Variants in PPP1R10 observed in about 807,000 individuals in gnomAD.
PPP1R10 encodes the protein protein phosphatase 1 regulatory subunit 10.
PPP1R10 carries 15 observed loss-of-function variants against 99.0 expected under a neutral mutation model. The ratio of observed to expected loss-of-function variants is 0.15; its 90% CI spans 0.10 to 0.23. The LOEUF (loss-of-function observed/expected upper bound fraction) is 0.23. Ranked by LOEUF, PPP1R10 falls within the 10% of genes least tolerant of loss-of-function variation. PPP1R10 has a pLI of 1.00. For missense variants in PPP1R10, 947 were observed against 1,259.4 expected (o/e 0.75, Z 3.75); for synonymous variants, 430 against 449.5 (o/e 0.96, Z 0.55).
In PPP1R10 at chr6:30,609,095, G is replaced by A; in HGVS notation, c.176C>T (p.Ser59Leu). 1 of 1,613,982 alleles carries A rather than the reference G, an allele frequency of 6.2e-7. No homozygotes were observed. The highest frequency in any genetic ancestry group is 1.3e-5 in the African/African-American group (1 of 75,026). Residue 59 changes from serine (S) to leucine (L), a missense_variant, in exon 4 of 20, where the codon TCA becomes TTA. Ser to Leu is a moderately radical substitution (Grantham distance 145). Around this residue, in one of 10 missense-constraint regions of PPP1R10, gnomAD observed 82 missense variants for 117.3 expected, o/e 0.70. Transcript: ENST00000376511. The surrounding 1 kb of genome is among the most constrained non-coding windows in gnomAD (Gnocchi z 4.5). ...TYLNILLQTR[S>L]PEILVKFIDV... ...CACTTACTTGACCAATATTTCTGGT[G>A]AACGGGTCTGCAGGAGAATGTTCAA... is the stretch of plus-strand genomic sequence containing the variant.
intron 16 of PPP1R10, 63 bp from the exon 17 acceptor site, chr6:30,603,348 G>T: frequency 6.3e-7 from 1 of 1,579,038 alleles, no homozygotes; most frequent in East Asian, 2.2e-5. Flanking sequence ...GCGAAAGATA[G>T]CGCCAAAGAT....
intron 19 of PPP1R10, 104 bp from the exon 20 acceptor site, chr6:30,601,762 A>G (rs1803339677): frequency 7.4e-7 from 1 of 1,349,790 alleles, no homozygotes; most frequent in African/African-American, 1.4e-5. Context: ...TTCAGAGACA[A>G]TCTTGGGGAT....
intron 5 of PPP1R10, 65 bp downstream of exon 5, chr6:30,608,714 T>G: frequency 3.3e-6 from 5 of 1,535,798 alleles, no homozygotes; most frequent in Non-Finnish European, 4.5e-6. Flanking sequence ...ATCAGTCAGT[T>G]TGAGTTTTTC....
Position 30,609,311 on chromosome 6 carries a change from G to A in PPP1R10, c.108-148C>T, listed in dbSNP as rs756706285. The A allele has an allele frequency of 1.5e-6, 1 of 682,566 alleles. No homozygotes were observed. Among genetic ancestry groups the A allele is most frequent in the Non-Finnish European group, 2.5e-6 (1 of 395,768 alleles). The allele number at this position is 682,566 out of a possible 1,614,324, so 42.3% of individuals were successfully genotyped here. On this transcript the variant is annotated intron_variant, in intron 3 of 19. Transcript: ENST00000376511. This position sits in a 1 kb window ranked among gnomAD's most constrained non-coding sequence, Gnocchi z 4.5. ...GTCACATATACCTCTAGGAAGATGGGATGGATCCAGTGTGACATGGAAACT... is the reference window on the plus strand; with the variant it reads ...GTCACATATACCTCTAGGAAGATGGAATGGATCCAGTGTGACATGGAAACT...
chr6:30,601,600 C>T lies in PPP1R10; in HGVS notation c.2772G>A (p.Glu924=), dbSNP rs374424553. ...HFMMKGNCRY[E]NNCAFYHPGV... Reference sequence around the variant, plus strand: ...CCGGGTGGTAGAAGGCACAGTTGTTCTCATAGCGGCAGTTGCCCTTCATCA... The same window carrying T: ...CCGGGTGGTAGAAGGCACAGTTGTTTTCATAGCGGCAGTTGCCCTTCATCA... The change falls in exon 20 of 20, where the codon GAG becomes GAA. Residue 924 remains glutamate (E), a synonymous_variant. Transcript: ENST00000376511. 10 of 1,613,998 alleles carry T rather than the reference C, an allele frequency of 6.2e-6. No homozygotes were observed. The highest frequency in any genetic ancestry group is 5.3e-5 in the African/African-American group (4 of 74,890).
rs1803200081 is a variant in PPP1R10 at position 30,600,530 on chromosome 6, A to T, written c.*1019T>A. On this transcript the variant is annotated 3_prime_UTR_variant, in exon 20 of 20. Coordinates refer to ENST00000376511, the MANE Select transcript of PPP1R10 (RefSeq NM_002714.4). ...ACCCTGCACAAAACCCAACCAATCCACTGTTTTCATAGAAAACAACTGATG... is the reference window on the plus strand; with the variant it reads ...ACCCTGCACAAAACCCAACCAATCCTCTGTTTTCATAGAAAACAACTGATG... The T allele has an allele frequency of 6.6e-6, 1 of 152,578 alleles. No homozygotes were observed. Among genetic ancestry groups the T allele is most frequent in the African/African-American group, 2.4e-5 (1 of 41,422 alleles). The allele number at this position is 152,578 out of a possible 1,614,324, so 9.5% of individuals were successfully genotyped here.
intron 5 of PPP1R10, among the ~76,000 whole-genome samples, chr6:30,608,512 A>G (rs943887182): frequency 1.3e-5 from 2 of 152,122 alleles, no homozygotes; most frequent in Non-Finnish European, 2.9e-5. Flanking sequence ...CACGTCAGCC[A>G]GGATGGTCTC....
chr6:30,602,943 T>G lies in PPP1R10; in HGVS notation c.1860A>C (p.Leu620=). Residue 620 remains leucine (L), a synonymous_variant, in exon 18 of 20, where the codon CTA becomes CTC. Transcript: ENST00000376511. This position sits in a 1 kb window ranked among gnomAD's most constrained non-coding sequence, Gnocchi z 6.7. ...AACCATTGGCTATTGGGCCAGGGCC[T>G]AGGAGTCCATGTGGCACTGTTAATG... ...IKQMLVPHGL[L]GPGPIANGFP... 6.4e-7 allele frequency: 1 copy of G among 1,550,990 alleles called. No individual in the cohort carries two copies. Among genetic ancestry groups the G allele is most frequent in the Non-Finnish European group, 8.7e-7 (1 of 1,146,608 alleles).
At chr6:30,613,215 G>A (rs1804736623) in intron 2 of PPP1R10, among the ~76,000 whole-genome samples, 2 of 152,122 alleles carry the variant, frequency 1.3e-5, no homozygotes, top group South Asian at 4.1e-4. Flanking sequence ...ATTAAATAGG[G>A]TGAAAAAATA....
chr6:30,604,541 T>C lies in PPP1R10; in HGVS notation c.1103-30A>G. ...AAGCAGAAGAGGTTTCAGACCCAGA[T>C]CCCTCCTTTCAGAAAACCCCCCAAA... On this transcript the variant is annotated intron_variant, in intron 12 of 19. Transcript: ENST00000376511. The surrounding 1 kb of genome is among the most constrained non-coding windows in gnomAD (Gnocchi z 7.3). 1 of 1,612,642 alleles carries C rather than the reference T, an allele frequency of 6.2e-7. No homozygotes were observed. Among genetic ancestry groups the C allele is most frequent in the South Asian group, 1.1e-5 (1 of 91,062 alleles).
Position 30,606,989 on chromosome 6 carries a change from A to C in PPP1R10, c.383-133T>G. The C allele has an allele frequency of 1.3e-6, 1 of 777,876 alleles. No individual in the cohort carries two copies. The highest frequency in any genetic ancestry group is 2.1e-6 in the Non-Finnish European group (1 of 473,766). 48.2% of individuals were successfully genotyped at this position (777,876 alleles called of 1,614,324 possible). On this transcript the variant is annotated intron_variant, in intron 6 of 19. Coordinates refer to ENST00000376511, the MANE Select transcript of PPP1R10 (RefSeq NM_002714.4). This position sits in a 1 kb window ranked among gnomAD's most constrained non-coding sequence, Gnocchi z 6.3. ...AAAGTAACCCAAAGTTTTAAGAAGA[A>C]CATGAGATATGCTTAAAAACCAAAC...
In PPP1R10 at chr6:30,606,341, C is replaced by A; in HGVS notation, c.635-98G>T. On this transcript the variant is annotated intron_variant, in intron 8 of 19. Transcript: ENST00000376511. The surrounding 1 kb of genome is among the most constrained non-coding windows in gnomAD (Gnocchi z 6.3). The stretch of plus-strand genomic sequence containing the variant: ...CGCAAATGTTCTTCTAGCCTTGTAA[C>A]CAAAGCTTCCTCTGCTAGTCTTCCC... 1 of 1,565,300 alleles carries A rather than the reference C, an allele frequency of 6.4e-7. No individual in the cohort carries two copies. Among genetic ancestry groups the A allele is most frequent in the Non-Finnish European group, 8.7e-7 (1 of 1,145,656 alleles).
At chr6:30,613,384 CT>C (rs1804749853) in intron 2 of PPP1R10, among the ~76,000 whole-genome samples, 1 of 152,192 alleles carries the variant, frequency 6.6e-6, no homozygotes, top group African/African-American at 2.4e-5. Context: ...AGAGGCACTT[CT>C]GGAAATGAAA....
chr6:30,601,261 T>A lies in PPP1R10; in HGVS notation c.*288A>T. ...ATTAAGGGTAATACTGGAAAGGGGT[T>A]TGGGGTACAGGGCGAATCTTCTCAA... On this transcript the variant is annotated 3_prime_UTR_variant, in exon 20 of 20. Coordinates refer to ENST00000376511, the MANE Select transcript of PPP1R10 (RefSeq NM_002714.4). The A allele has an allele frequency of 2.2e-6, 1 of 454,160 alleles. No homozygotes were observed. The highest frequency in any genetic ancestry group is 3.9e-6 in the Non-Finnish European group (1 of 254,280). 28.1% of individuals were successfully genotyped at this position (454,160 alleles called of 1,614,324 possible).
At chr6:30,615,689 T>C (rs1760415827) in intron 2 of PPP1R10, among the ~76,000 whole-genome samples, 1 of 152,226 alleles carries the variant, frequency 6.6e-6, no homozygotes. Context: ...TATTTAACTG[T>C]ACCTCCCCCA....
At chr6:30,601,874 C>A in intron 19 of PPP1R10, 62 bp downstream of exon 19, 1 of 1,450,400 alleles carries the variant, frequency 6.9e-7, no homozygotes, top group South Asian at 1.4e-5. Flanking sequence ...GACTCTCACC[C>A]ACTCCCCAAA....
chr6:30,604,416 T>A lies in PPP1R10; in HGVS notation c.1198A>T (p.Thr400Ser). Residue 400 changes from threonine (T) to serine (S), a missense_variant, in exon 13 of 20, where the codon ACA (threonine) becomes TCA (serine). Coordinates refer to ENST00000376511, the MANE Select transcript of PPP1R10 (RefSeq NM_002714.4). This position sits in a 1 kb window ranked among gnomAD's most constrained non-coding sequence, Gnocchi z 7.3. ...TRKGRKRKSV[T>S]WPEEGKLREY... is the part of the protein sequence containing the mutation. ...CTCAGTTTGCCTTCCTCAGGCCATG[T>A]CACACTTTTCCTCTTCCTGCCTTTC... 1 of 1,613,736 alleles carries A rather than the reference T, an allele frequency of 6.2e-7. No individual in the cohort carries two copies. Among genetic ancestry groups the A allele is most frequent in the African/African-American group, 1.3e-5 (1 of 75,056 alleles).
Position 30,602,994 on chromosome 6 carries a change from A to G in PPP1R10, c.1844-35T>C, listed in dbSNP as rs761146221. On this transcript the variant is annotated intron_variant, in intron 17 of 19. Coordinates refer to ENST00000376511, the MANE Select transcript of PPP1R10 (RefSeq NM_002714.4). This position sits in a 1 kb window ranked among gnomAD's most constrained non-coding sequence, Gnocchi z 6.7. ...AAAACAAGAGTAACACAGCATGAGC[A>G]CTCTAGAAGACTAGCATGATCTCCC... The G allele has an allele frequency of 5.4e-6, 8 of 1,488,648 alleles. No individual in the cohort carries two copies. The highest frequency in any genetic ancestry group is 7.2e-6 in the Non-Finnish European group (8 of 1,105,632). 92.2% of individuals were successfully genotyped at this position (1,488,648 alleles called of 1,614,324 possible).
chr6:30,615,422 G>C (rs1582680473), intron 2 of PPP1R10, among the ~76,000 whole-genome samples: 2 of 152,276 alleles, frequency 1.3e-5, no homozygotes, highest in Admixed American at 6.5e-5. Context: ...TCCCTATAGA[G>C]GGAAAGGGGG....
Sources: gnomAD v4.1 joint callset for allele counts (sites outside exome capture counted in the v4.1 genomes callset) on GRCh38, gnomAD v4.1.1 for gene constraint, gnomAD v4.1.1 regional missense constraint, Gnocchi (gnomAD v3.1) non-coding constraint, MANE v1.5 for transcripts, NCBI Gene and HGNC (gene_info 2026-07-23, HGNC 2026-07-21) for gene names.